SESN1: variants seen among roughly 807,000 people sequenced by gnomAD.
The protein encoded by SESN1 is sestrin 1.
SESN1 carries 30 observed loss-of-function variants against 59.3 expected under a neutral mutation model. The ratio of observed to expected loss-of-function variants is 0.51; its 90% CI spans 0.38 to 0.69. The LOEUF is 0.69. Ranked by LOEUF, SESN1 falls within the 30% of genes least tolerant of loss-of-function variation. The pLI is 0.00. For missense variants in SESN1, 566 were observed against 673.0 expected, an observed-to-expected ratio of 0.84 and a Z score of 1.76; for synonymous variants, 197 against 219.9, an observed-to-expected ratio of 0.90 and a Z score of 0.92.
intron 1 of SESN1, among the ~76,000 whole-genome samples, chr6:109,055,387 G>A (rs1780612221): frequency 6.6e-6 from 1 of 152,108 alleles, no homozygotes. Flanking sequence ...TGGTGGCTGG[G>A]TGCAGTGGCT....
At chr6:109,009,325 AC>A in intron 1 of SESN1, 1 of 1,457,890 alleles carries the variant, frequency 6.9e-7, no homozygotes. Flanking sequence ...CCGCCCAGGT[AC>A]CCAGCGGCCC....
At position 108,986,078 on chromosome 6, in the gene SESN1, TATC is replaced by T. The variant is rs5879006; in HGVS notation, c.*1463_*1465del. ...TGTTTTGAGGAGTAACTAACAGAGT[TATC>T]ATCACAACAGCTTCAGTTAAACTTA... On this transcript the variant is annotated 3_prime_UTR_variant, in exon 10 of 10. Coordinates refer to ENST00000436639, the MANE Select transcript of SESN1 (RefSeq NM_014454.3). Among the ~76,000 whole-genome samples, 15,224 of 152,168 alleles carry T rather than the reference TATC, an allele frequency of 0.1. 892 individuals carry two copies. Among genetic ancestry groups the T allele is most frequent in the Middle Eastern group, 0.19 (57 of 294 alleles).
chr6:109,061,542 AC>A (rs1431069991), intron 1 of SESN1, among the ~76,000 whole-genome samples: 1 of 152,240 alleles, frequency 6.6e-6, no homozygotes, highest in African/African-American at 2.4e-5. Context: ...GGTGGCTCAT[AC>A]CTGTTATCCC....
chr6:109,008,631 C>T (rs1006590255), intron 1 of SESN1: 10 of 221,580 alleles, frequency 4.5e-5, no homozygotes, highest in Admixed American at 6.5e-5. Flanking sequence ...ACTCTGACAG[C>T]ACCTGATTTC....
intron 1 of SESN1, among the ~76,000 whole-genome samples, chr6:109,050,653 C>T (rs944290993): frequency 6.6e-6 from 1 of 152,142 alleles, no homozygotes; most frequent in African/African-American, 2.4e-5. Flanking sequence ...CCTCCCATTC[C>T]TAAATCAATA....
intron 1 of SESN1, among the ~76,000 whole-genome samples, chr6:109,092,170 T>A (rs886211590): frequency 6.6e-6 from 1 of 152,240 alleles, no homozygotes; most frequent in Admixed American, 6.5e-5. Context: ...GTATTTCACT[T>A]ATGAAAGGGA....
intron 1 of SESN1, among the ~76,000 whole-genome samples, chr6:109,051,765 G>C (rs1267129480): frequency 6.6e-6 from 1 of 152,142 alleles, no homozygotes; most frequent in African/African-American, 2.4e-5. Flanking sequence ...CAGTTCTGGA[G>C]GCTGGAAAGT....
At chr6:109,087,142 A>G (rs1201508937) in intron 1 of SESN1, among the ~76,000 whole-genome samples, 7 of 152,312 alleles carry the variant, frequency 4.6e-5, no homozygotes, top group African/African-American at 1.7e-4. Context: ...AAATAAATAA[A>G]TAAACAAAAA....
intron 2 of SESN1, 85 bp from the exon 3 acceptor site, chr6:109,001,573 T>C (rs1779626591): frequency 3.4e-6 from 4 of 1,161,256 alleles, no homozygotes; most frequent in Non-Finnish European, 5.0e-6. Context: ...ACTCTAAGTA[T>C]CATTTAGAAG....
rs542732253 is a variant in SESN1 at position 109,043,448 on chromosome 6, C to T, written c.280-41105G>A. 3.9e-5 allele frequency among the ~76,000 whole-genome samples: 6 copies of T among 152,128 alleles called. No individual in the cohort carries two copies. In the East Asian group the frequency reaches 9.7e-4, roughly 24 times the overall value. ...CAACTGTCCCTACTTATAGATGACA[C>T]AATTATGTACATAGAAAATCCCAAG... On this transcript the variant is annotated intron_variant, in intron 1 of 9. Transcript: ENST00000436639.
intron 1 of SESN1, among the ~76,000 whole-genome samples, chr6:109,046,926 G>C (rs1780453570): frequency 8.2e-6 from 1 of 121,792 alleles, no homozygotes; most frequent in South Asian, 3.4e-4. Context: ...TCTCCGCCCG[G>C]CAGCCACCCC....
At chr6:109,071,239 G>A (rs115188084) in intron 1 of SESN1, among the ~76,000 whole-genome samples, 2 of 152,056 alleles carry the variant, frequency 1.3e-5, no homozygotes. Context: ...AGTAAATAAC[G>A]AGTTCAGGTC....
At chr6:109,064,516 C>T (rs1335081036) in intron 1 of SESN1, among the ~76,000 whole-genome samples, 2 of 145,076 alleles carry the variant, frequency 1.4e-5, no homozygotes, top group Non-Finnish European at 3.0e-5. Flanking sequence ...TCATCAATCA[C>T]CAAATCAAAA....
chr6:109,063,758 G>A (rs76046698), intron 1 of SESN1, among the ~76,000 whole-genome samples: 44 of 151,764 alleles, frequency 2.9e-4, no homozygotes, highest in African/African-American at 8.5e-4. Flanking sequence ...CTATAAATTC[G>A]TCACCAGGGG....
chr6:109,016,488 G>A (rs1258667698), intron 1 of SESN1, among the ~76,000 whole-genome samples: 1 of 152,106 alleles, frequency 6.6e-6, no homozygotes, highest in Non-Finnish European at 1.5e-5. Context: ...AGGGTATTAA[G>A]TTGTAGATTC....
At chr6:108,987,993 C>CA (rs1779246255) in intron 9 of SESN1, among the ~76,000 whole-genome samples, 2 of 151,988 alleles carry the variant, frequency 1.3e-5, no homozygotes, top group African/African-American at 4.8e-5. Context: ...TTAGTATCAC[C>CA]ATGTTGGACA....
At chr6:109,049,316 C>CA (rs1780504994) in intron 1 of SESN1, among the ~76,000 whole-genome samples, 1 of 148,996 alleles carries the variant, frequency 6.7e-6, no homozygotes, top group Non-Finnish European at 1.5e-5. Flanking sequence ...TATGTGAAAG[C>CA]CAAAAAAAAA....
chr6:109,044,165 A>G (rs1447664164), intron 1 of SESN1, among the ~76,000 whole-genome samples: 2 of 151,740 alleles, frequency 1.3e-5, no homozygotes, highest in Non-Finnish European at 2.9e-5. Flanking sequence ...TAAAAAAAAA[A>G]TTATCCAGGC....
In SESN1 at chr6:108,984,362, C is replaced by T. The variant is rs186094359; in HGVS notation, c.*3182G>A. Reference sequence around the variant, plus strand: ...TCACAGTTTTGGAGGCTGGGAAGTCCGATATCAAGGATTTAGTGCCTAGTG... The same window carrying T: ...TCACAGTTTTGGAGGCTGGGAAGTCTGATATCAAGGATTTAGTGCCTAGTG... On this transcript the variant is annotated 3_prime_UTR_variant, in exon 10 of 10. Coordinates refer to ENST00000436639, the MANE Select transcript of SESN1 (RefSeq NM_014454.3). 2.6e-3 allele frequency among the ~76,000 whole-genome samples: 396 copies of T among 152,214 alleles called. 5 individuals are homozygous for T. Among genetic ancestry groups the T allele is most frequent in the African/African-American group, 9.0e-3 (374 of 41,516 alleles).
Sources: gnomAD v4.1 joint callset for allele counts (sites outside exome capture counted in the v4.1 genomes callset) on GRCh38, gnomAD v4.1.1 for gene constraint, MANE v1.5 for transcripts, NCBI Gene and HGNC (gene_info 2026-07-23, HGNC 2026-07-21) for gene names.